The following MAP3K21 variants were observed in gnomAD, a reference collection of about 807,000 sequenced individuals.
The protein encoded by MAP3K21 is mitogen-activated protein kinase kinase kinase MLK4.
Under a neutral mutation model 86.1 loss-of-function variants are expected in MAP3K21, and 63 were observed. That is an observed-to-expected ratio of 0.73 (90% CI 0.60 to 0.90). The LOEUF is 0.90. Among genes scored for constraint, MAP3K21 ranks in the 40% least tolerant of loss-of-function variants. MAP3K21 has a pLI of 0.00. For missense variants in MAP3K21, 1,220 were observed against 1,367.7 expected, an observed-to-expected ratio of 0.89 and a Z score of 1.70; for synonymous variants, 558 against 564.8, an observed-to-expected ratio of 0.99 and a Z score of 0.17.
In MAP3K21 at chr1:233,383,512, G is replaced by C. The variant is rs1270782234; in HGVS notation, c.*801G>C. On this transcript the variant is annotated 3_prime_UTR_variant, in exon 10 of 10. Coordinates refer to ENST00000366624, the MANE Select transcript of MAP3K21 (RefSeq NM_032435.3). ...GCCCCTTGAGTGAGGCTAATCTTTA[G>C]GTTTTTCCTATAGAAAACATTCTTC... is the stretch of plus-strand genomic sequence containing the variant. The C allele has an allele frequency of 6.6e-6, 1 of 151,912 alleles. No homozygotes were observed. The highest frequency in any genetic ancestry group is 1.5e-5 in the Non-Finnish European group (1 of 67,972). 9.4% of individuals were successfully genotyped at this position (151,912 alleles called of 1,614,324 possible). A position where few individuals can be genotyped will look rare whatever the true frequency, so the allele number is the denominator to read the frequency against.
At chr1:233,357,541 C>T (rs899564966) in intron 4 of MAP3K21, among the ~76,000 whole-genome samples, 12 of 152,182 alleles carry the variant, frequency 7.9e-5, no homozygotes, top group Non-Finnish European at 1.5e-4. Flanking sequence ...AAGACCATGA[C>T]ACCACTAATG....
At chr1:233,348,327 T>C (rs1329202449) in intron 2 of MAP3K21, among the ~76,000 whole-genome samples, 1 of 152,258 alleles carries the variant, frequency 6.6e-6, no homozygotes, top group Non-Finnish European at 1.5e-5. Context: ...ACCTCCTTCA[T>C]TTTTATGGCT....
At chr1:233,382,260 C>G (rs762415599) in intron 9 of MAP3K21, 45 bp from the exon 10 acceptor site, 1 of 1,494,566 alleles carries the variant, frequency 6.7e-7, no homozygotes, top group South Asian at 1.2e-5. Context: ...TGTTTTAGAA[C>G]TCATTTTCTT....
rs141838950 is a variant in MAP3K21, at chr1:233,379,681, G to A, written c.2675G>A (p.Arg892Gln). The A allele has an allele frequency of 1.9e-4, 300 of 1,611,934 alleles. No individual in the cohort carries two copies. The highest frequency in any genetic ancestry group is 3.3e-4 in the Middle Eastern group (2 of 6,060). Reference protein sequence around the residue: ...SSKHRPSHHRRTMSDGNPTPT... With the variant: ...SSKHRPSHHRQTMSDGNPTPT... ...AAACATAGACCGTCACATCACAGAC[G>A]GACCATGTCTGATGGAAATCCGACC... Residue 892 changes from arginine to glutamine, a missense_variant, in exon 9 of 10, where the codon CGG (arginine) becomes CAG (glutamine). Transcript: ENST00000366624.
intron 5 of MAP3K21, among the ~76,000 whole-genome samples, chr1:233,371,581 A>C (rs1392734376): frequency 2.0e-5 from 3 of 152,150 alleles, no homozygotes; most frequent in Non-Finnish European, 4.4e-5. Flanking sequence ...GCTGGTCTCG[A>C]ACTTCTAGCC....
At chr1:233,354,250 T>C (rs1465814027) in intron 3 of MAP3K21, among the ~76,000 whole-genome samples, 2 of 152,230 alleles carry the variant, frequency 1.3e-5, no homozygotes, top group Non-Finnish European at 2.9e-5. Flanking sequence ...AAATACAGTA[T>C]TGAATTGGCT....
At chr1:233,358,473 G>GTTGTTT (rs71574857) in intron 4 of MAP3K21, among the ~76,000 whole-genome samples, 3,385 of 141,632 alleles carry the variant, frequency 0.024, 142 homozygotes, top group African/African-American at 0.082. Context: ...ACTCTAATTT[G>GTTGTTT]TTTTTTTTTT....
At chr1:233,335,197 TG>T (rs1366309855) in intron 1 of MAP3K21, among the ~76,000 whole-genome samples, 3 of 152,226 alleles carry the variant, frequency 2.0e-5, no homozygotes, top group African/African-American at 7.2e-5. Flanking sequence ...GGAATTTTAA[TG>T]GGCAGAGGGT....
chr1:233,341,382 G>A (rs1663037364), intron 1 of MAP3K21, among the ~76,000 whole-genome samples: 2 of 152,066 alleles, frequency 1.3e-5, no homozygotes, highest in South Asian at 2.1e-4. Flanking sequence ...CAAAAGATAT[G>A]GAATTCCAGG....
intron 3 of MAP3K21, 79 bp from the exon 4 acceptor site, chr1:233,354,757 A>G: frequency 1.1e-6 from 1 of 932,342 alleles, no homozygotes. Context: ...AAGTTGAAAT[A>G]CACTTCAGTG....
chr1:233,354,267 C>T (rs977933427), intron 3 of MAP3K21, among the ~76,000 whole-genome samples: 1 of 152,136 alleles, frequency 6.6e-6, no homozygotes, highest in African/African-American at 2.4e-5. Context: ...GGCTCCAAAT[C>T]TGCTATTTTA....
intron 5 of MAP3K21, among the ~76,000 whole-genome samples, chr1:233,369,981 A>G (rs1663653753): frequency 6.6e-6 from 1 of 152,182 alleles, no homozygotes; most frequent in Non-Finnish European, 1.5e-5. Context: ...AAGAATCATG[A>G]GAGGCCTTTG....
In MAP3K21 at chr1:233,346,532, C is replaced by G; in HGVS notation, c.896C>G (p.Thr299Ser). ...GGGTTGGCGAGGGAATGGCACAGGA[C>G]CACCAAAATGAGCACAGCAGGCACC... Reference protein sequence around the residue: ...DFGLAREWHRTTKMSTAGTYA... With the variant: ...DFGLAREWHRSTKMSTAGTYA... The change falls in exon 2 of 10, where the codon ACC (threonine) becomes AGC (serine). Residue 299 changes from threonine to serine, a missense_variant. By Grantham distance (58) the Thr-to-Ser change is moderately conservative. Transcript: ENST00000366624. 6.2e-7 allele frequency: 1 copy of G among 1,613,766 alleles called. No individual in the cohort carries two copies. Among genetic ancestry groups the G allele is most frequent in the Non-Finnish European group, 8.5e-7 (1 of 1,179,730 alleles).
chr1:233,328,668 G>C lies in MAP3K21; in HGVS notation c.640G>C (p.Ala214Pro). ...CGGAGCGCTCAACCGAGCGCTGGCC[G>C]CTGCCAACGCCGCCCCGGACCCGCG... ...RGGALNRALA[A>P]ANAAPDPRAP... Residue 214 changes from alanine (A) to proline (P), a missense_variant, in exon 1 of 10, where the codon GCT (alanine) becomes CCT (proline). By Grantham distance (27) the Ala-to-Pro change is conservative (BLOSUM62 -1). This residue lies in a region of MAP3K21 where 369 missense variants were observed against 385.3 expected (regional missense o/e 0.96). Coordinates refer to ENST00000366624, the MANE Select transcript of MAP3K21 (RefSeq NM_032435.3). The surrounding 1 kb of genome is among the most constrained non-coding windows in gnomAD (Gnocchi z 8.7). The C allele has an allele frequency of 1.5e-6, 2 of 1,330,140 alleles. No individual in the cohort carries two copies. Among genetic ancestry groups the C allele is most frequent in the Non-Finnish European group, 1.9e-6 (2 of 1,042,978 alleles). 82.4% of individuals were successfully genotyped at this position (1,330,140 alleles called of 1,614,324 possible). A position where few individuals can be genotyped will look rare whatever the true frequency, so the allele number is the denominator to read the frequency against.
chr1:233,338,783 G>A (rs1294280), intron 1 of MAP3K21, among the ~76,000 whole-genome samples: 121,502 of 151,940 alleles, frequency 0.8, 48,765 homozygotes, highest in East Asian at 0.99. Context: ...TTACTACGAC[G>A]CAAGAGACTT....
Position 233,354,936 on chromosome 1 carries a change from A to G in MAP3K21, c.1236A>G (p.Glu412=), listed in dbSNP as rs1377357962. Residue 412 remains glutamate, a synonymous_variant, in exon 4 of 10, where the codon GAA becomes GAG. Transcript: ENST00000366624. ...EGAVMTEMPQ[E]SFHSMQDDWK... ...CAGTGATGACTGAGATGCCTCAAGA[A>G]TCTTTTCATTCCATGCAAGATGACT... 5.6e-6 allele frequency: 9 copies of G among 1,614,088 alleles called. No homozygotes were observed. In the South Asian group the frequency reaches 6.6e-5, roughly 12 times the overall value.
intron 4 of MAP3K21, among the ~76,000 whole-genome samples, chr1:233,357,491 T>C (rs1432536855): frequency 6.6e-6 from 1 of 152,170 alleles, no homozygotes; most frequent in East Asian, 1.9e-4. Context: ...TTTTCAGTAT[T>C]TGGTTACATT....
At chr1:233,372,571 T>C in intron 6 of MAP3K21, 1 of 193,992 alleles carries the variant, frequency 5.2e-6, no homozygotes, top group Non-Finnish European at 1.0e-5. Context: ...AAAAAATTTT[T>C]GCTTTTCAGG....
In MAP3K21 at chr1:233,328,052, A is replaced by C. The variant is rs2102754399; in HGVS notation, c.24A>C (p.Gly8=). Reference sequence around the variant, plus strand: ...CCATGGCTTTGCGGGGCGCCGCGGGAGCGACCGACACCCCGGTGTCCTCGG... The same window carrying C: ...CCATGGCTTTGCGGGGCGCCGCGGGCGCGACCGACACCCCGGTGTCCTCGG... MALRGAA[G]ATDTPVSSAG... is the part of the protein sequence containing the mutation. The change falls in exon 1 of 10, where the codon GGA becomes GGC. Residue 8 remains glycine, a synonymous_variant. Transcript: ENST00000366624. This position sits in a 1 kb window ranked among gnomAD's most constrained non-coding sequence, Gnocchi z 8.7. 1 of 1,319,686 alleles carries C rather than the reference A, an allele frequency of 7.6e-7. No homozygotes were observed. Among genetic ancestry groups the C allele is most frequent in the Non-Finnish European group, 9.6e-7 (1 of 1,040,464 alleles). The allele number at this position is 1,319,686 out of a possible 1,614,324, so 81.7% of individuals were successfully genotyped here.
Sources: gnomAD v4.1 joint callset for allele counts (sites outside exome capture counted in the v4.1 genomes callset) on GRCh38, gnomAD v4.1.1 for gene constraint, gnomAD v4.1.1 regional missense constraint, Gnocchi (gnomAD v3.1) non-coding constraint, MANE v1.5 for transcripts, NCBI Gene and HGNC (gene_info 2026-07-23, HGNC 2026-07-21) for gene names.